VWF: variants seen among roughly 807,000 people sequenced by gnomAD.
VWF encodes Factor VIII related antigen.
Under a neutral mutation model 308.6 loss-of-function variants are expected in VWF, and 176 were observed. The observed-to-expected ratio is 0.57, with a 90% CI of 0.50 to 0.65. The LOEUF (loss-of-function observed/expected upper bound fraction) is 0.65, where lower values mean the gene tolerates loss of function less well. Among genes scored for constraint, VWF ranks in the 30% least tolerant of loss-of-function variants. The pLI is 0.00. For synonymous variants in VWF, 1,385 were observed against 1,443.4 expected (o/e 0.96, Z 0.92); for missense variants, 3,146 against 3,648.2 (o/e 0.86, Z 3.55).
At chr12:6,109,752 G>A (rs929766337) in intron 5 of VWF, among the ~76,000 whole-genome samples, 1 of 152,136 alleles carries the variant, frequency 6.6e-6, no homozygotes, top group Non-Finnish European at 1.5e-5. Flanking sequence ...CCGGGTTCAC[G>A]CCATTCTCCT....
Position 5,991,810 on chromosome 12 carries a change from G to A in VWF, c.6798+9C>T. The A allele has an allele frequency of 3.7e-6, 6 of 1,613,660 alleles. No individual in the cohort carries two copies. Among genetic ancestry groups the A allele is most frequent in the East Asian group, 2.2e-5 (1 of 44,884 alleles). On this transcript the variant is annotated intron_variant, in intron 38 of 51. Transcript: ENST00000261405. ...AGCCCCATGGGAAGTGAAAGGCCCAGGCTCCTACCTGGTGCTGGACTCCAT... is the reference window on the plus strand; with the variant it reads ...AGCCCCATGGGAAGTGAAAGGCCCAAGCTCCTACCTGGTGCTGGACTCCAT...
intron 16 of VWF, among the ~76,000 whole-genome samples, chr12:6,052,212 AG>A: frequency 6.6e-6 from 1 of 152,312 alleles, no homozygotes; most frequent in South Asian, 2.1e-4. Context: ...CAGGCTGGAA[AG>A]GAGGGTGACA....
intron 6 of VWF, among the ~76,000 whole-genome samples, chr12:6,092,571 T>G (rs972659395): frequency 1.4e-5 from 2 of 140,848 alleles, no homozygotes; most frequent in East Asian, 2.0e-4. Context: ...CTAGTGTGTG[T>G]GCGTGCGTGC....
chr12:6,046,751 A>T lies in VWF; in HGVS notation c.2253T>A (p.Ala751=). The T allele has an allele frequency of 6.2e-7, 1 of 1,614,168 alleles. No individual in the cohort carries two copies. The highest frequency in any genetic ancestry group is 8.5e-7 in the Non-Finnish European group (1 of 1,180,038). ...GATGAGACAGGGGACTGCTGAGGAC[A>T]GCGTCAGGCAGCAAGCTTCCGGGGA... ...SGVPGSLLPD[A]VLSSPLSHRS... The change falls in exon 17 of 52, where the codon GCT becomes GCA. Residue 751 remains alanine, a synonymous_variant. Transcript: ENST00000261405. This position sits in a 1 kb window ranked among gnomAD's most constrained non-coding sequence, Gnocchi z 5.0.
chr12:6,022,462 A>G (rs1944139646), intron 26 of VWF, among the ~76,000 whole-genome samples: 1 of 151,760 alleles, frequency 6.6e-6, no homozygotes, highest in African/African-American at 2.4e-5. Context: ...GTTACATTCA[A>G]TACAACATTC....
chr12:6,070,835 G>A (rs1412621618), intron 10 of VWF, among the ~76,000 whole-genome samples: 3 of 152,222 alleles, frequency 2.0e-5, no homozygotes, highest in African/African-American at 4.8e-5. Flanking sequence ...TTGGTGACCT[G>A]GTTTTCCGAG....
chr12:5,985,767 C>T, intron 38 of VWF, 102 bp from the exon 39 acceptor site: 1 of 1,094,792 alleles, frequency 9.1e-7, no homozygotes, highest in Non-Finnish European at 1.4e-6. Flanking sequence ...GGGCCAGTCC[C>T]TGACCCAGCC....
chr12:6,028,435 A>G (rs1944219551), intron 22 of VWF, among the ~76,000 whole-genome samples: 1 of 152,224 alleles, frequency 6.6e-6, no homozygotes, highest in South Asian at 2.1e-4. Flanking sequence ...CCTCAAGAAG[A>G]GCAACCCCAA....
At chr12:6,123,773 T>C (rs1458344252) in intron 1 of VWF, among the ~76,000 whole-genome samples, 2 of 152,014 alleles carry the variant, frequency 1.3e-5, no homozygotes, top group Non-Finnish European at 2.9e-5. Context: ...GCCCAGCAAA[T>C]GTTTGCTGAG....
At chr12:6,122,164 T>C (rs576671960) in intron 2 of VWF, among the ~76,000 whole-genome samples, 4 of 152,336 alleles carry the variant, frequency 2.6e-5, no homozygotes, top group South Asian at 2.1e-4. Context: ...CTAGTGTATA[T>C]ACTTCCAATA....
At chr12:6,111,756 C>T (rs1458268423) in intron 3 of VWF, among the ~76,000 whole-genome samples, 1 of 152,030 alleles carries the variant, frequency 6.6e-6, no homozygotes, top group East Asian at 1.9e-4. Flanking sequence ...CGAGACCATC[C>T]TGGCTAACAC....
intron 8 of VWF, 42 bp from the exon 9 acceptor site, chr12:6,072,484 T>C: frequency 4.0e-6 from 6 of 1,494,722 alleles, no homozygotes; most frequent in Non-Finnish European, 5.6e-6. Context: ...AACATTGTCA[T>C]TGCGTCACTC....
At chr12:6,050,497 C>T (rs1219728200) in intron 16 of VWF, among the ~76,000 whole-genome samples, 1 of 152,206 alleles carries the variant, frequency 6.6e-6, no homozygotes, top group African/African-American at 2.4e-5. Context: ...TCCTACTGCT[C>T]CAGCATCAGT....
At chr12:5,985,925 C>T (rs1190310915) in intron 38 of VWF, among the ~76,000 whole-genome samples, 1 of 152,152 alleles carries the variant, frequency 6.6e-6, no homozygotes, top group Non-Finnish European at 1.5e-5. Flanking sequence ...AGTGCTAAAA[C>T]CAAGCAAAGA....
intron 16 of VWF, among the ~76,000 whole-genome samples, chr12:6,050,955 CAAAA>C (rs375016497): frequency 7.6e-6 from 1 of 132,270 alleles, no homozygotes; most frequent in Admixed American, 7.6e-5. Context: ...AATTCAGTCT[CAAAA>C]AAAAAAAAAA....
rs564250853 is a variant in VWF, at chr12:6,023,680, C to A, written c.3330G>T (p.Val1110=). The A allele has an allele frequency of 1.2e-6, 2 of 1,613,922 alleles. No individual in the cohort carries two copies. Among genetic ancestry groups the A allele is most frequent in the African/African-American group, 2.7e-5 (2 of 75,060 alleles). Residue 1110 remains valine (V), a synonymous_variant, in exon 25 of 52, where the codon GTG becomes GTT. Transcript: ENST00000261405. ...TCACCACCTTGCCATGCTGGGCACA[C>A]ACGTGGGCATAGGCAGCAATGGTGT... ...FCDTIAAYAH[V]CAQHGKVVTW...
chr12:6,034,593 T>C, intron 20 of VWF, 95 bp downstream of exon 20: 1 of 1,594,918 alleles, frequency 6.3e-7, no homozygotes, highest in African/African-American at 1.3e-5. Context: ...CCAGAGTTGT[T>C]TCTGCAGACA....
intron 47 of VWF, among the ~76,000 whole-genome samples, chr12:5,959,929 A>T (rs1299326822): frequency 6.6e-6 from 1 of 151,220 alleles, no homozygotes; most frequent in African/African-American, 2.4e-5. Context: ...AAGAAGAGCA[A>T]ATTAGACCCA....
chr12:5,994,405 A>C lies in VWF; in HGVS notation c.6256+10T>G, dbSNP rs763797007. Reference sequence around the variant, plus strand: ...CAGGGGGAGAAGAGGAGTTGAGAAAATGTTCTTACCACACAGACCATACGT... The same window carrying C: ...CAGGGGGAGAAGAGGAGTTGAGAAACTGTTCTTACCACACAGACCATACGT... On this transcript the variant is annotated intron_variant, in intron 36 of 51. Coordinates refer to ENST00000261405, the MANE Select transcript of VWF (RefSeq NM_000552.5). The C allele has an allele frequency of 6.2e-7, 1 of 1,614,066 alleles. No homozygotes were observed. Among genetic ancestry groups the C allele is most frequent in the Non-Finnish European group, 8.5e-7 (1 of 1,179,930 alleles).
Sources: allele counts gnomAD v4.1 joint callset (sites outside exome capture counted in the v4.1 genomes callset), GRCh38; gene constraint gnomAD v4.1.1; non-coding constraint Gnocchi (gnomAD v3.1); transcripts MANE v1.5; gene names NCBI Gene and HGNC (gene_info 2026-07-23, HGNC 2026-07-21).